Variants in FAM78B observed in about 807,000 individuals in gnomAD.
The protein encoded by FAM78B is protein FAM78B.
FAM78B carries 10 observed loss-of-function variants against 20.0 expected under a neutral mutation model. The ratio of observed to expected loss-of-function variants is 0.50; its 90% CI spans 0.31 to 0.85. FAM78B has a LOEUF of 0.85. Among genes scored for constraint, FAM78B ranks in the 40% least tolerant of loss-of-function variants. The pLI is 0.05. For missense variants in FAM78B, 283 were observed against 345.0 expected, an observed-to-expected ratio of 0.82 and a Z score of 1.42; for synonymous variants, 135 against 132.8, an observed-to-expected ratio of 1.02 and a Z score of -0.12.
At chr1:166,057,711 C>T (rs1263375354) in exon 3 of FAM78B, 2 of 152,104 alleles carry the variant, frequency 1.3e-5, no homozygotes, top group African/African-American at 4.8e-5. Context: ...AAACACAGCA[C>T]AATTCCAAGG....
chr1:166,103,419 G>T (rs189195149), intron 1 of FAM78B, among the ~76,000 whole-genome samples: 1 of 152,194 alleles, frequency 6.6e-6, no homozygotes, highest in East Asian at 1.9e-4. Flanking sequence ...CCAGGAGCTG[G>T]TTTTTTGAAA....
chr1:166,098,986 C>T (rs141399723), intron 1 of FAM78B, among the ~76,000 whole-genome samples: 4,128 of 152,250 alleles, frequency 0.027, 254 homozygotes, highest in Admixed American at 0.14. Context: ...ATCTTAAGAG[C>T]TGTGAGACAG....
intron 1 of FAM78B, among the ~76,000 whole-genome samples, chr1:166,078,954 T>TG (rs1652453224): frequency 6.9e-6 from 1 of 145,936 alleles, no homozygotes; most frequent in Non-Finnish European, 1.5e-5. Flanking sequence ...TCTTTAGAGA[T>TG]GGGGTCTCAC....
chr1:166,150,299 G>T (rs765293314), intron 1 of FAM78B, among the ~76,000 whole-genome samples: 9 of 152,138 alleles, frequency 5.9e-5, no homozygotes, highest in Non-Finnish European at 1.0e-4. Flanking sequence ...TAAGTAAAAA[G>T]AAACCTCAGT....
Position 166,162,979 on chromosome 1 carries a change from C to T in FAM78B, c.263+3007G>A, listed in dbSNP as rs146079991. ...TAGAACACCCTGCTTGGCCCGCCAG[C>T]GCTCTCAGGCATTTCTTCCACACCA... On this transcript the variant is annotated intron_variant, in intron 1 of 1. Coordinates refer to ENST00000354422, the MANE Select transcript of FAM78B (RefSeq NM_001017961.5). 5.1e-3 allele frequency among the ~76,000 whole-genome samples: 783 copies of T among 152,318 alleles called. 6 individuals carry two copies. Among genetic ancestry groups the T allele is most frequent in the African/African-American group, 6.8e-3 (283 of 41,574 alleles).
At chr1:166,109,852 A>ATATGTATGTG (rs1653949037) in intron 1 of FAM78B, among the ~76,000 whole-genome samples, 5 of 25,450 alleles carry the variant, frequency 2.0e-4, no homozygotes, top group African/African-American at 5.6e-4. Flanking sequence ...ATATATATAT[A>ATATGTATGTG]TATATATATG....
At chr1:166,131,522 G>A (rs1654878298) in intron 1 of FAM78B, among the ~76,000 whole-genome samples, 1 of 152,162 alleles carries the variant, frequency 6.6e-6, no homozygotes, top group Admixed American at 6.5e-5. Context: ...TGACTTTACT[G>A]AGACCAAGCA....
chr1:166,062,869 T>C (rs1651656711), intron 2 of FAM78B, among the ~76,000 whole-genome samples: 2 of 152,234 alleles, frequency 1.3e-5, no homozygotes, highest in African/African-American at 4.8e-5. Flanking sequence ...AATATTCTAA[T>C]TGAAGGGCGG....
intron 1 of FAM78B, among the ~76,000 whole-genome samples, chr1:166,131,164 G>A (rs1242577620): frequency 6.6e-6 from 1 of 151,778 alleles, no homozygotes; most frequent in Non-Finnish European, 1.5e-5. Flanking sequence ...GCTAATTTTT[G>A]TATTTTTAGT....
chr1:166,093,420 C>T (rs535824094), intron 1 of FAM78B, among the ~76,000 whole-genome samples: 1 of 152,164 alleles, frequency 6.6e-6, no homozygotes, highest in Non-Finnish European at 1.5e-5. Context: ...AAGAGGCCGA[C>T]AGGGCATTTG....
intron 1 of FAM78B, among the ~76,000 whole-genome samples, chr1:166,094,484 AC>A (rs1653200652): frequency 6.6e-6 from 1 of 152,114 alleles, no homozygotes; most frequent in Non-Finnish European, 1.5e-5. Context: ...ATCACTATGG[AC>A]CCAGAACTGC....
intron 1 of FAM78B, among the ~76,000 whole-genome samples, chr1:166,163,782 C>T (rs1316353189): frequency 6.6e-6 from 1 of 152,280 alleles, no homozygotes; most frequent in Admixed American, 6.5e-5. Context: ...TTATTGCAAC[C>T]ATGAAGAAAC....
chr1:166,119,198 C>A (rs1230814207), intron 1 of FAM78B, among the ~76,000 whole-genome samples: 1 of 152,198 alleles, frequency 6.6e-6, no homozygotes, highest in African/African-American at 2.4e-5. Flanking sequence ...CAAAAGGACA[C>A]ATTTACAACT....
intron 1 of FAM78B, among the ~76,000 whole-genome samples, chr1:166,136,724 T>C (rs1490861003): frequency 6.6e-6 from 1 of 152,246 alleles, no homozygotes; most frequent in Non-Finnish European, 1.5e-5. Flanking sequence ...GGCTCCAGGC[T>C]ACCTTGCCCC....
At chr1:166,062,005 A>T (rs1651619911) in intron 2 of FAM78B, among the ~76,000 whole-genome samples, 1 of 152,224 alleles carries the variant, frequency 6.6e-6, no homozygotes, top group African/African-American at 2.4e-5. Flanking sequence ...TATTTATTAT[A>T]CAATAAGGGT....
chr1:166,159,169 A>G (rs9651038), intron 1 of FAM78B, among the ~76,000 whole-genome samples: 6,054 of 152,338 alleles, frequency 0.04, 409 homozygotes, highest in African/African-American at 0.14. Flanking sequence ...AACAGCGGCC[A>G]TAACTACTAA....
In FAM78B at chr1:166,077,897, AATTTAT is replaced by A. The variant is rs1557891000; in HGVS notation, c.264-7140_264-7135del. On this transcript the variant is annotated intron_variant, in intron 1 of 1. Transcript: ENST00000354422. ...AATTATATATATAATAAATATATAT[AATTTAT>A]ATATATAATTATATATATAATAAAT... is the stretch of plus-strand genomic sequence containing the variant. Among the ~76,000 whole-genome samples, 10 of 7,366 alleles carry A rather than the reference AATTTAT, an allele frequency of 1.4e-3. 1 individual carries two copies. Among genetic ancestry groups the A allele is most frequent in the East Asian group, 0.033 (2 of 60 alleles). The allele number at this position is 7,366 out of a possible 152,430, so 4.8% of individuals were successfully genotyped here.
At chr1:166,083,665 C>T (rs1447111689) in intron 1 of FAM78B, among the ~76,000 whole-genome samples, 1 of 152,168 alleles carries the variant, frequency 6.6e-6, no homozygotes, top group African/African-American at 2.4e-5. Context: ...CCACCACGCC[C>T]AGCTGATTTT....
chr1:166,101,361 G>A (rs1653506898), intron 1 of FAM78B, among the ~76,000 whole-genome samples: 1 of 152,324 alleles, frequency 6.6e-6, no homozygotes, highest in Non-Finnish European at 1.5e-5. Flanking sequence ...GGAGTTGAGA[G>A]AAGAAGGCTT....
Sources: allele counts gnomAD v4.1 joint callset (sites outside exome capture counted in the v4.1 genomes callset), GRCh38; gene constraint gnomAD v4.1.1; transcripts MANE v1.5; gene names NCBI Gene and HGNC (gene_info 2026-07-23, HGNC 2026-07-21).